The following FAAH2 variants were observed in gnomAD, a reference collection of about 807,000 sequenced individuals.
FAAH2 encodes fatty acid amide hydrolase 2, also known as fatty-acid amide hydrolase 2.
A neutral mutation model predicts 36.9 loss-of-function variants in FAAH2; 60 were observed. The ratio of observed to expected loss-of-function variants is 1.63; its 90% CI spans 1.32 to 2.02. FAAH2 has a LOEUF of 2.02. Among genes scored for constraint, FAAH2 ranks in the 30% most tolerant of loss-of-function variants. The probability of loss-of-function intolerance (pLI) is 0.00; values close to 1 mark genes in which losing one functional copy is unlikely to be tolerated. For synonymous variants in FAAH2, 214 were observed against 143.8 expected, an observed-to-expected ratio of 1.49 and a Z score of -3.49; for missense variants, 689 against 397.5, an observed-to-expected ratio of 1.73 and a Z score of -6.23.
the FAAH2 span, among the ~76,000 whole-genome samples, chrX:57,209,542 A>T: frequency 2.7e-5 from 3 of 111,055 alleles, no homozygotes; most frequent in African/African-American, 9.8e-5. Flanking sequence ...GCCATGGCTG[A>T]CCTGGTACCC....
intron 4 of FAAH2, among the ~76,000 whole-genome samples, chrX:57,335,284 G>A (rs192290018): frequency 1.8e-5 from 2 of 110,964 alleles, no homozygotes; most frequent in East Asian, 2.8e-4. Context: ...AAGAAAAATG[G>A]GCCCAGGGGA....
intron 3 of FAAH2, among the ~76,000 whole-genome samples, chrX:57,325,168 C>T (rs191296202): frequency 2.0e-3 from 226 of 112,016 alleles, no homozygotes; most frequent in African/African-American, 6.8e-3. Context: ...TTGAAGCAGC[C>T]TTGCATCCCA....
the FAAH2 span, among the ~76,000 whole-genome samples, chrX:57,132,267 C>A: frequency 1.8e-5 from 2 of 112,065 alleles, no homozygotes; most frequent in African/African-American, 6.5e-5. Flanking sequence ...AATAACATAT[C>A]AGTGGTTTCC....
Position 57,441,233 on chromosome X carries a change from T to C in FAAH2, c.1117-5695T>C, listed in dbSNP as rs190746100. On this transcript the variant is annotated intron_variant, in intron 8 of 10. Coordinates refer to ENST00000374900, the MANE Select transcript of FAAH2 (RefSeq NM_174912.4). ...GAATTCGGCTATGAATCTGTCTGGT[T>C]CTGGATTTTTTTTGTTGGTAGGCTA... 1.9e-3 allele frequency among the ~76,000 whole-genome samples: 210 copies of C among 111,361 alleles called. 4 individuals are homozygous for C. In the East Asian group the frequency reaches 0.036, roughly 19 times the overall value.
intron 7 of FAAH2, among the ~76,000 whole-genome samples, chrX:57,406,440 T>C (rs1278979126): frequency 1.8e-5 from 2 of 111,535 alleles, no homozygotes; most frequent in Non-Finnish European, 3.8e-5. Context: ...GGTACTCTAA[T>C]GAATTATGGA....
chrX:57,216,671 G>C, the FAAH2 span, among the ~76,000 whole-genome samples: 1 of 36,663 alleles, frequency 2.7e-5, no homozygotes, highest in Non-Finnish European at 7.0e-5. Context: ...TCCATTTGTT[G>C]ATTGATGGGC....
chrX:57,122,632 A>G, the FAAH2 span, among the ~76,000 whole-genome samples: 3 of 112,440 alleles, frequency 2.7e-5, no homozygotes, highest in Non-Finnish European at 3.8e-5. Context: ...TTGATTTATT[A>G]AAAGGTAAAA....
the FAAH2 span, among the ~76,000 whole-genome samples, chrX:57,215,126 A>G: frequency 2.8e-5 from 3 of 106,331 alleles, no homozygotes; most frequent in South Asian, 1.2e-3. Flanking sequence ...AAAAAAAAAG[A>G]AAACACCACC....
At chrX:57,147,393 G>A in the FAAH2 span, among the ~76,000 whole-genome samples, 1 of 111,480 alleles carries the variant, frequency 9.0e-6, no homozygotes, top group Non-Finnish European at 1.9e-5. Context: ...CTGTGGTGTC[G>A]GTTGTAATAT....
In FAAH2 at chrX:57,468,987, C is replaced by A. The variant is rs749098858; in HGVS notation, c.1424-19770C>A. On this transcript the variant is annotated intron_variant, in intron 10 of 10. Transcript: ENST00000374900. ...GAATTTTCAACCCAGAATTTCATAT[C>A]CAGCCAAACTAAGCTTCATAAGTGA... Among the ~76,000 whole-genome samples the A allele has an allele frequency of 4.5e-5, 5 of 111,495 alleles. No individual in the cohort carries two copies. In the South Asian group the frequency reaches 1.1e-3, roughly 25 times the overall value.
At chrX:57,233,754 C>T in the FAAH2 span, among the ~76,000 whole-genome samples, 1 of 112,789 alleles carries the variant, frequency 8.9e-6, no homozygotes, top group Non-Finnish European at 1.9e-5. Context: ...ATTCTCATGC[C>T]CCAACCTCCC....
At position 57,386,397 on chromosome X, in the gene FAAH2, G is replaced by A. The variant is rs1255267771; in HGVS notation, c.996+5368G>A. On this transcript the variant is annotated intron_variant, in intron 7 of 10. Coordinates refer to ENST00000374900, the MANE Select transcript of FAAH2 (RefSeq NM_174912.4). ...AAAATTAAGGTACTATACCTTCGTT[G>A]CTTGGGTTGATAAACCATAGAATGC... Among the ~76,000 whole-genome samples, 3 of 110,521 alleles carry A rather than the reference G, an allele frequency of 2.7e-5. No individual in the cohort carries two copies. The East Asian group carries it at 8.4e-4, about 31-fold the overall frequency.
intron 5 of FAAH2, among the ~76,000 whole-genome samples, chrX:57,358,446 C>A (rs751596318): frequency 3.6e-5 from 4 of 111,589 alleles, no homozygotes; most frequent in Non-Finnish European, 1.9e-5. Context: ...TGGAATCACA[C>A]AGTATTTGTC....
chrX:57,182,409 A>G, the FAAH2 span, among the ~76,000 whole-genome samples: 2 of 112,105 alleles, frequency 1.8e-5, no homozygotes, highest in African/African-American at 6.5e-5. Flanking sequence ...GGACATTAAC[A>G]GACACTTTTC....
intron 8 of FAAH2, among the ~76,000 whole-genome samples, chrX:57,437,818 T>A (rs934610457): frequency 1.2e-4 from 12 of 102,894 alleles, no homozygotes; most frequent in Non-Finnish European, 1.4e-4. Flanking sequence ...TTTATATTTT[T>A]AAATTATATA....
chrX:57,358,437 G>A lies in FAAH2; in HGVS notation c.742+17047G>A, dbSNP rs1036259723. 2.1e-4 allele frequency among the ~76,000 whole-genome samples: 23 copies of A among 111,308 alleles called. No homozygotes were observed. The South Asian group carries it at 4.1e-3, about 20-fold the overall frequency. On this transcript the variant is annotated intron_variant, in intron 5 of 10. Transcript: ENST00000374900. ...ACAAATTTAGATAACTCATATAAGT[G>A]GAATCACACAGTATTTGTCCTTCTG... is the stretch of plus-strand genomic sequence containing the variant.
chrX:57,455,682 C>A (rs909393045), intron 10 of FAAH2, among the ~76,000 whole-genome samples: 1 of 111,675 alleles, frequency 9.0e-6, no homozygotes, highest in African/African-American at 3.3e-5. Flanking sequence ...AAATTTTAAA[C>A]CAGCAACGGT....
the FAAH2 span, among the ~76,000 whole-genome samples, chrX:57,125,339 G>A: frequency 5.4e-5 from 6 of 112,095 alleles, 1 homozygote; most frequent in East Asian, 8.4e-4. Context: ...CCAGCCTTGC[G>A]TCCCAGGGAT....
chrX:57,327,091 A>T (rs1026712786), intron 3 of FAAH2, among the ~76,000 whole-genome samples: 1 of 108,459 alleles, frequency 9.2e-6, no homozygotes, highest in African/African-American at 3.4e-5. Context: ...TTTCTCCTGC[A>T]CTTATGAAGC....
Sources: allele counts gnomAD v4.1 joint callset (sites outside exome capture counted in the v4.1 genomes callset), GRCh38; gene constraint gnomAD v4.1.1; transcripts MANE v1.5; gene names NCBI Gene and HGNC (gene_info 2026-07-23, HGNC 2026-07-21).